The following HERC6 variants were observed in gnomAD, a reference collection of about 807,000 sequenced individuals.
HERC6 encodes the protein probable E3 ubiquitin-protein ligase HERC6.
Under a neutral mutation model 114.5 loss-of-function variants are expected in HERC6, and 101 were observed. The observed-to-expected ratio is 0.88, with a 90% CI of 0.75 to 1.04. The LOEUF is 1.04. Among genes scored for constraint, HERC6 ranks in the 50% least tolerant of loss-of-function variants. The pLI is 0.00. For missense variants in HERC6, 1,133 were observed against 1,230.9 expected, an observed-to-expected ratio of 0.92 and a Z score of 1.19; for synonymous variants, 408 against 436.2, an observed-to-expected ratio of 0.94 and a Z score of 0.81.
At chr4:88,421,307 TG>T (rs1160408809) in intron 13 of HERC6, among the ~76,000 whole-genome samples, 1 of 152,096 alleles carries the variant, frequency 6.6e-6, no homozygotes, top group Non-Finnish European at 1.5e-5. Context: ...TACCCAAGAG[TG>T]GGATATCTGG....
intron 10 of HERC6, among the ~76,000 whole-genome samples, chr4:88,406,388 T>C (rs1735815531): frequency 6.6e-6 from 1 of 152,252 alleles, no homozygotes; most frequent in Admixed American, 6.5e-5. Context: ...TTAACCCTTG[T>C]TGCTATTACT....
chr4:88,441,185 A>G (rs1234514247), intron 22 of HERC6, among the ~76,000 whole-genome samples: 6 of 152,088 alleles, frequency 3.9e-5, no homozygotes, highest in Non-Finnish European at 8.8e-5. Flanking sequence ...TCTAAGTCCT[A>G]TGATGTTCGA....
intron 12 of HERC6, among the ~76,000 whole-genome samples, chr4:88,416,627 A>T (rs958220029): frequency 2.0e-5 from 3 of 151,998 alleles, no homozygotes; most frequent in African/African-American, 7.2e-5. Flanking sequence ...TTTTATATTT[A>T]AATATTTGAT....
chr4:88,437,739 T>C lies in HERC6; in HGVS notation c.2513T>C (p.Leu838Ser). Residue 838 changes from leucine (L) to serine (S), a missense_variant, in exon 20 of 23, where the codon TTA becomes TCA. Leu to Ser is a moderately radical substitution (Grantham distance 145, BLOSUM62 -2). This residue lies in a region of HERC6 where 388 missense variants were observed against 445.9 expected (regional missense o/e 0.87). Coordinates refer to ENST00000264346, the MANE Select transcript of HERC6 (RefSeq NM_017912.4). The part of the protein sequence containing the change: ...SIHWDQNDVD[L>S]IPNGISIPVD... ...CACTGGGACCAAAATGATGTTGACT[T>C]AATTCCAAATGGGATCTCCATACCT... 1 of 1,607,258 alleles carries C rather than the reference T, an allele frequency of 6.2e-7. No individual in the cohort carries two copies. The highest frequency in any genetic ancestry group is 1.1e-5 in the South Asian group (1 of 89,456).
chr4:88,411,587 A>C (rs1736106604), intron 11 of HERC6, among the ~76,000 whole-genome samples: 1 of 152,228 alleles, frequency 6.6e-6, no homozygotes, highest in Non-Finnish European at 1.5e-5. Context: ...CATGAAAGGC[A>C]AACACTGTAA....
Position 88,383,343 on chromosome 4 carries a change from G to C in HERC6, c.322G>C (p.Gly108Arg). The change falls in exon 2 of 23, where the codon GGG becomes CGG. Residue 108 changes from glycine to arginine, a missense_variant. Around this residue, in one of 3 missense-constraint regions of HERC6, gnomAD observed 735 missense variants for 754.0 expected, o/e 0.97. Coordinates refer to ENST00000264346, the MANE Select transcript of HERC6 (RefSeq NM_017912.4). The part of the protein sequence containing the change: ...AWGAGSEGQL[G>R]IGEFKEISFT... ...GGGAGCTGGTTCTGAAGGGCAGCTG[G>C]GGATTGGAGAATTCAAGGAAATAAG... The C allele has an allele frequency of 6.5e-7, 1 of 1,530,818 alleles. No homozygotes were observed. The highest frequency in any genetic ancestry group is 8.8e-7 in the Non-Finnish European group (1 of 1,142,042). The allele number at this position is 1,530,818 out of a possible 1,614,324, so 94.8% of individuals were successfully genotyped here. A position where few individuals can be genotyped will look rare whatever the true frequency, so the allele number is the denominator to read the frequency against.
At chr4:88,395,205 A>G (rs1735166064) in intron 5 of HERC6, among the ~76,000 whole-genome samples, 1 of 152,178 alleles carries the variant, frequency 6.6e-6, no homozygotes. Flanking sequence ...ATTATTCTCA[A>G]TATAAAGAAT....
intron 17 of HERC6, among the ~76,000 whole-genome samples, chr4:88,434,012 A>G (rs962336898): frequency 1.3e-5 from 2 of 152,228 alleles, no homozygotes; most frequent in Non-Finnish European, 2.9e-5. Flanking sequence ...CCTACATTGT[A>G]TTAAATATTG....
At chr4:88,402,982 A>T (rs1254862542) in intron 8 of HERC6, among the ~76,000 whole-genome samples, 1 of 152,320 alleles carries the variant, frequency 6.6e-6, no homozygotes, top group South Asian at 2.1e-4. Flanking sequence ...TTATTTCAGC[A>T]TTAAACCAAA....
intron 3 of HERC6, among the ~76,000 whole-genome samples, chr4:88,388,837 G>T (rs1734741179): frequency 6.6e-6 from 1 of 152,166 alleles, no homozygotes; most frequent in Non-Finnish European, 1.5e-5. Context: ...AAGCCTGCCT[G>T]CATCAATGCA....
intron 5 of HERC6, among the ~76,000 whole-genome samples, chr4:88,394,456 C>T (rs1216476644): frequency 8.8e-6 from 1 of 114,048 alleles, no homozygotes; most frequent in African/African-American, 3.5e-5. Context: ...CTGGTTGACA[C>T]AGCAAGACTC....
intron 22 of HERC6, among the ~76,000 whole-genome samples, chr4:88,441,507 CTCTTG>C (rs1739350927): frequency 6.6e-6 from 1 of 152,058 alleles, no homozygotes; most frequent in African/African-American, 2.4e-5. Flanking sequence ...AAAGCCCAGG[CTCTTG>C]AGCACTAAGC....
At chr4:88,433,560 A>G (rs1578429466) in intron 17 of HERC6, among the ~76,000 whole-genome samples, 1 of 152,174 alleles carries the variant, frequency 6.6e-6, no homozygotes, top group Middle Eastern at 3.4e-3. Flanking sequence ...GGGAAGAGAA[A>G]CCTGAGCTAG....
Position 88,393,510 on chromosome 4 carries a change from A to T in HERC6, c.687A>T (p.Ser229=). ...NVPVQSNKPL[S]VGALKNLGVV... Reference sequence around the variant, plus strand: ...CAGTGCAAAGCAACAAGCCTCTCTCAGTCGGTGCACTGAAGAATCTAGGTG... The same window carrying T: ...CAGTGCAAAGCAACAAGCCTCTCTCTGTCGGTGCACTGAAGAATCTAGGTG... The change falls in exon 5 of 23, where the codon TCA becomes TCT. Residue 229 remains serine, a synonymous_variant. Coordinates refer to ENST00000264346, the MANE Select transcript of HERC6 (RefSeq NM_017912.4). 1.2e-6 allele frequency: 2 copies of T among 1,611,374 alleles called. No individual in the cohort carries two copies. Among genetic ancestry groups the T allele is most frequent in the Non-Finnish European group, 8.5e-7 (1 of 1,178,160 alleles).
intron 17 of HERC6, 113 bp downstream of exon 17, chr4:88,431,418 C>T (rs1394111023): frequency 1.6e-6 from 2 of 1,241,264 alleles, no homozygotes; most frequent in Non-Finnish European, 2.2e-6. Context: ...CTTTGCTACT[C>T]ATATTTTGAG....
chr4:88,416,977 T>C (rs1458653192), intron 12 of HERC6, among the ~76,000 whole-genome samples: 1 of 152,206 alleles, frequency 6.6e-6, no homozygotes, highest in Admixed American at 6.5e-5. Context: ...TTTTAAAAAG[T>C]ACATGGCCAT....
In HERC6 at chr4:88,386,113, T is replaced by TA. The variant is rs1734561710; in HGVS notation, c.436+539dup. Among the ~76,000 whole-genome samples the TA allele has an allele frequency of 3.9e-5, 6 of 152,206 alleles. No individual in the cohort carries two copies. The South Asian group carries it at 1.2e-3, about 32-fold the overall frequency. ...AGGAAAAATTTTTCCTCTACCCTCT[T>TA]ATGCGTAGTCTTTGGGAACCTGCAA... On this transcript the variant is annotated intron_variant, in intron 3 of 22. Transcript: ENST00000264346.
chr4:88,417,300 T>C (rs1736576361), intron 12 of HERC6, 125 bp from the exon 13 acceptor site: 2 of 923,608 alleles, frequency 2.2e-6, no homozygotes, highest in Non-Finnish European at 3.2e-6. Flanking sequence ...AAAAAGATAT[T>C]CATAAATTAT....
chr4:88,411,248 A>G, intron 11 of HERC6, among the ~76,000 whole-genome samples: 1 of 152,202 alleles, frequency 6.6e-6, no homozygotes, highest in Non-Finnish European at 1.5e-5. Flanking sequence ...TCCAAGGGAC[A>G]TTAGTTTTAT....
Sources: allele counts gnomAD v4.1 joint callset (sites outside exome capture counted in the v4.1 genomes callset), GRCh38; gene constraint gnomAD v4.1.1; regional missense constraint gnomAD v4.1.1; transcripts MANE v1.5; gene names NCBI Gene and HGNC (gene_info 2026-07-23, HGNC 2026-07-21).